TBC1D1: variants seen among roughly 807,000 people sequenced by gnomAD.
TBC1D1 encodes the protein TBC1 domain family member 1.
TBC1D1 carries 89 observed loss-of-function variants against 125.6 expected under a neutral mutation model. The observed-to-expected ratio is 0.71, with a 90% CI of 0.60 to 0.85. The LOEUF (loss-of-function observed/expected upper bound fraction) is 0.85. Ranked by LOEUF, TBC1D1 falls within the 40% of genes least tolerant of loss-of-function variation. The pLI, the probability that TBC1D1 is intolerant of heterozygous loss-of-function variation, is 0.00. For synonymous variants in TBC1D1, 565 were observed against 564.1 expected (o/e 1.00, Z -0.02); for missense variants, 1,377 against 1,469.2 (o/e 0.94, Z 1.03).
intron 2 of TBC1D1, among the ~76,000 whole-genome samples, chr4:37,973,772 G>A (rs974798921): frequency 1.3e-5 from 2 of 152,192 alleles, no homozygotes; most frequent in Non-Finnish European, 2.9e-5. Flanking sequence ...TTTCTCCAGG[G>A]CCTATTGGTC....
chr4:38,026,346 G>A (rs368001913), intron 6 of TBC1D1, among the ~76,000 whole-genome samples: 1 of 152,220 alleles, frequency 6.6e-6, no homozygotes, highest in East Asian at 1.9e-4. Context: ...TGGGAGGGGA[G>A]GAGCCGTGGC....
In TBC1D1 at chr4:38,137,535, T is replaced by C. The variant is rs532051555; in HGVS notation, c.*200T>C. The stretch of plus-strand genomic sequence containing the variant: ...CAGTGTTTTTTTTGTTGTTTTTAGA[T>C]ACTAAATCGTCCCTTCTCCAGTCCT... On this transcript the variant is annotated 3_prime_UTR_variant, in exon 20 of 20. Coordinates refer to ENST00000261439, the MANE Select transcript of TBC1D1 (RefSeq NM_015173.4). 36 of 681,980 alleles carry C rather than the reference T, an allele frequency of 5.3e-5. No individual in the cohort carries two copies. The African/African-American group carries it at 6.1e-4, about 12-fold the overall frequency. 42.2% of individuals were successfully genotyped at this position (681,980 alleles called of 1,614,324 possible). A position where few individuals can be genotyped will look rare whatever the true frequency, so the allele number is the denominator to read the frequency against.
chr4:37,946,618 C>T (rs1014358118), intron 2 of TBC1D1, among the ~76,000 whole-genome samples: 3 of 152,024 alleles, frequency 2.0e-5, no homozygotes, highest in Non-Finnish European at 2.9e-5. Context: ...TCAACAGTGG[C>T]CCAGGGAAAA....
intron 15 of TBC1D1, among the ~76,000 whole-genome samples, chr4:38,113,307 GAGTGGCCAATT>G (rs1470297210): frequency 2.6e-5 from 4 of 152,246 alleles, no homozygotes; most frequent in African/African-American, 9.6e-5. Flanking sequence ...GACCACTCTT[GAGTGGCCAATT>G]AGCATAGGTC....
intron 11 of TBC1D1, chr4:38,052,045 A>G (rs1328515584): frequency 1.3e-6 from 2 of 1,551,006 alleles, no homozygotes; most frequent in Non-Finnish European, 1.7e-6. Flanking sequence ...CAAAGTGGGA[A>G]TGCTGTGCCA....
intron 12 of TBC1D1, among the ~76,000 whole-genome samples, chr4:38,060,822 C>G (rs903316988): frequency 6.6e-6 from 1 of 152,164 alleles, no homozygotes; most frequent in African/African-American, 2.4e-5. Context: ...GCAGTAGGTC[C>G]GGGTGGGTTC....
chr4:38,104,033 G>T (rs576659052), intron 15 of TBC1D1, among the ~76,000 whole-genome samples: 1 of 151,780 alleles, frequency 6.6e-6, no homozygotes, highest in Non-Finnish European at 1.5e-5. Context: ...GGTGGTGGGC[G>T]CCTATAGTCC....
At chr4:37,909,796 G>A (rs1020314253) in intron 2 of TBC1D1, among the ~76,000 whole-genome samples, 1 of 152,094 alleles carries the variant, frequency 6.6e-6, no homozygotes, top group Non-Finnish European at 1.5e-5. Flanking sequence ...TTTAATCCCA[G>A]CCTGATTTAT....
intron 14 of TBC1D1, among the ~76,000 whole-genome samples, chr4:38,097,832 A>G (rs1759634619): frequency 6.6e-6 from 1 of 152,162 alleles, no homozygotes; most frequent in South Asian, 2.1e-4. Flanking sequence ...AGTGTTTTTT[A>G]CTATAGTTTT....
chr4:37,985,960 GT>G (rs1335269546), intron 2 of TBC1D1, among the ~76,000 whole-genome samples: 1 of 152,210 alleles, frequency 6.6e-6, no homozygotes, highest in Non-Finnish European at 1.5e-5. Flanking sequence ...ACTACTGGTA[GT>G]TTTCTAGCAT....
At chr4:37,920,402 G>A (rs1023220810) in intron 2 of TBC1D1, among the ~76,000 whole-genome samples, 1 of 152,166 alleles carries the variant, frequency 6.6e-6, no homozygotes, top group South Asian at 2.1e-4. Context: ...AATAAGAACC[G>A]GGTAAAGAGA....
At chr4:38,024,350 T>G (rs1204224232) in intron 6 of TBC1D1, among the ~76,000 whole-genome samples, 1 of 152,222 alleles carries the variant, frequency 6.6e-6, no homozygotes, top group African/African-American at 2.4e-5. Flanking sequence ...GACTTTGGCC[T>G]TGAAGATAAA....
intron 12 of TBC1D1, among the ~76,000 whole-genome samples, chr4:38,058,534 A>G (rs1295061807): frequency 1.3e-5 from 2 of 152,230 alleles, no homozygotes; most frequent in African/African-American, 4.8e-5. Flanking sequence ...AAGACACACA[A>G]GTGTGCTTGT....
chr4:37,957,289 A>T (rs1245916829), intron 2 of TBC1D1, among the ~76,000 whole-genome samples: 1 of 152,188 alleles, frequency 6.6e-6, no homozygotes, highest in Non-Finnish European at 1.5e-5. Flanking sequence ...GTAATAAATA[A>T]CACTACTTTT....
intron 12 of TBC1D1, among the ~76,000 whole-genome samples, chr4:38,062,420 G>A (rs144783543): frequency 1.7e-3 from 255 of 152,126 alleles, no homozygotes; most frequent in Middle Eastern, 3.4e-3. Context: ...GGCAAAACAC[G>A]GAAGAAAAAA....
At position 37,925,702 on chromosome 4, in the gene TBC1D1, GA is replaced by G. The variant is rs1306838352; in HGVS notation, c.417+23197del. Among the ~76,000 whole-genome samples, 5 of 143,876 alleles carry G rather than the reference GA, an allele frequency of 3.5e-5. No individual in the cohort carries two copies. In the East Asian group the frequency reaches 8.1e-4, roughly 23 times the overall value. The allele number at this position is 143,876 out of a possible 152,430, so 94.4% of individuals were successfully genotyped here. A position where few individuals can be genotyped will look rare whatever the true frequency, so the allele number is the denominator to read the frequency against. On this transcript the variant is annotated intron_variant, in intron 2 of 19. Coordinates refer to ENST00000261439, the MANE Select transcript of TBC1D1 (RefSeq NM_015173.4). ...ATCTCAAAAAAAAAAAAAAAAGAGAGAAAAAAAGAAAAATACATAATCATTG... is the reference window on the plus strand; with the variant it reads ...ATCTCAAAAAAAAAAAAAAAAGAGAGAAAAAAGAAAAATACATAATCATTG...
At chr4:38,107,577 GTTTTTTTTTT>G (rs3038351) in intron 15 of TBC1D1, among the ~76,000 whole-genome samples, 1 of 53,104 alleles carries the variant, frequency 1.9e-5, no homozygotes, top group African/African-American at 8.4e-5. Flanking sequence ...GTCTAAACAG[GTTTTTTTTTT>G]TTTTTTTTTT....
chr4:38,008,383 G>A (rs1218274509), intron 2 of TBC1D1, among the ~76,000 whole-genome samples: 1 of 152,138 alleles, frequency 6.6e-6, no homozygotes, highest in Non-Finnish European at 1.5e-5. Context: ...GAAGGTTGTA[G>A]TGAATCTTTT....
rs543838875 is a variant in TBC1D1 at position 38,039,620 on chromosome 4, T to G, written c.1413+3922T>G. 2.6e-5 allele frequency among the ~76,000 whole-genome samples: 4 copies of G among 152,324 alleles called. No homozygotes were observed. The South Asian group carries it at 8.3e-4, about 32-fold the overall frequency. ...CCATTCTCCTTCTGAGCTGCTTGAT[T>G]ATGAATAAGGCTGCTGGTAGATACA... On this transcript the variant is annotated intron_variant, in intron 8 of 19. Transcript: ENST00000261439.
Sources: gnomAD v4.1 joint callset for allele counts (sites outside exome capture counted in the v4.1 genomes callset) on GRCh38, gnomAD v4.1.1 for gene constraint, MANE v1.5 for transcripts, NCBI Gene and HGNC (gene_info 2026-07-23, HGNC 2026-07-21) for gene names.